PCDHA2: variants seen among roughly 807,000 people sequenced by gnomAD.
PCDHA2 encodes protocadherin alpha 2.
PCDHA2 carries 58 observed loss-of-function variants against 66.0 expected under a neutral mutation model. The ratio of observed to expected loss-of-function variants is 0.88; its 90% CI spans 0.71 to 1.09. The LOEUF (loss-of-function observed/expected upper bound fraction) is 1.09, where lower values mean the gene tolerates loss of function less well. Among genes scored for constraint, PCDHA2 ranks in the 50% least tolerant of loss-of-function variants. PCDHA2 has a pLI of 0.00. For missense variants in PCDHA2, 1,267 were observed against 1,242.3 expected, an observed-to-expected ratio of 1.02 and a Z score of -0.30; for synonymous variants, 634 against 554.0, an observed-to-expected ratio of 1.14 and a Z score of -2.03.
chr5:140,950,826 G>A (rs1554219646), intron 1 of PCDHA2, among the ~76,000 whole-genome samples: 1 of 151,824 alleles, frequency 6.6e-6, no homozygotes, highest in African/African-American at 2.4e-5. Flanking sequence ...TTAAAGTTTG[G>A]TCCTTTAAGA....
intron 1 of PCDHA2, chr5:140,875,686 G>A: frequency 6.2e-7 from 1 of 1,613,582 alleles, no homozygotes; most frequent in Non-Finnish European, 8.5e-7. Flanking sequence ...CAAAAGACAC[G>A]GGGACCTTCT....
chr5:140,795,865 G>A lies in PCDHA2; in HGVS notation c.901G>A (p.Glu301Lys). 6.2e-7 allele frequency: 1 copy of A among 1,613,946 alleles called. No individual in the cohort carries two copies. The highest frequency in any genetic ancestry group is 8.5e-7 in the Non-Finnish European group (1 of 1,179,990). The change falls in exon 1 of 4, where the codon GAA becomes AAA. Residue 301 changes from glutamate (E) to lysine (K), a missense_variant. By Grantham distance (56) the Glu-to-Lys change is moderately conservative. Transcript: ENST00000526136. ...TKFTIDPISG[E>K]IRTKGKLDYE... The stretch of plus-strand genomic sequence containing the variant: ...GTTTACCATAGATCCCATCTCAGGG[G>A]AAATCAGAACTAAGGGAAAATTAGA...
At chr5:140,829,902 A>T (rs2150177390) in intron 1 of PCDHA2, 1 of 1,613,948 alleles carries the variant, frequency 6.2e-7, no homozygotes, top group Non-Finnish European at 8.5e-7. Flanking sequence ...TCAGGCTACA[A>T]CGCGTGGCTT....
At chr5:140,840,041 T>C (rs1220920510) in intron 1 of PCDHA2, among the ~76,000 whole-genome samples, 3 of 152,082 alleles carry the variant, frequency 2.0e-5, no homozygotes, top group East Asian at 3.9e-4. Flanking sequence ...ATCTCCCAGA[T>C]GGAAGTCTAA....
At chr5:140,971,778 G>C (rs1346530602) in intron 1 of PCDHA2, among the ~76,000 whole-genome samples, 2 of 151,860 alleles carry the variant, frequency 1.3e-5, no homozygotes, top group Non-Finnish European at 2.9e-5. Context: ...TATTATTCAA[G>C]ATTATTCAAT....
At position 140,802,860 on chromosome 5, in the gene PCDHA2, G is replaced by C. The variant is rs1241489643; in HGVS notation, c.2388+5508G>C. 3 of 1,613,714 alleles carry C rather than the reference G, an allele frequency of 1.9e-6. No homozygotes were observed. In the African/African-American group the frequency reaches 4.0e-5, roughly 21 times the overall value. On this transcript the variant is annotated intron_variant, in intron 1 of 3. Transcript: ENST00000526136. The stretch of plus-strand genomic sequence containing the variant: ...CAGCAACGTGACGCTGCAGGTGTTC[G>C]TGCTGGACGAGAACGACAACGCGCC...
rs200630375 is a variant in PCDHA2, at chr5:140,857,325, C to A, written c.2388+59973C>A. 1.8e-5 allele frequency: 28 copies of A among 1,598,630 alleles called. 3 individuals are homozygous for A. The highest frequency in any genetic ancestry group is 3.4e-5 in the Admixed American group (2 of 59,352). Reference sequence around the variant, plus strand: ...TCGGCCTATGAGCTGGTGGTGACCGCGCGGGACGGGGGCTCGCCTCCGCTG... The same window carrying A: ...TCGGCCTATGAGCTGGTGGTGACCGAGCGGGACGGGGGCTCGCCTCCGCTG... On this transcript the variant is annotated intron_variant, in intron 1 of 3. Transcript: ENST00000526136.
At position 140,937,762 on chromosome 5, in the gene PCDHA2, A is replaced by T. The variant is rs955142751; in HGVS notation, c.2389-41187A>T. Among the ~76,000 whole-genome samples, 6 of 151,868 alleles carry T rather than the reference A, an allele frequency of 4.0e-5. No individual in the cohort carries two copies. The South Asian group carries it at 6.2e-4, about 16-fold the overall frequency. On this transcript the variant is annotated intron_variant, in intron 1 of 3. Coordinates refer to ENST00000526136, the MANE Select transcript of PCDHA2 (RefSeq NM_018905.3). ...CCCGTCTCTACTAAAAATACAAAAA[A>T]TTAGTCGGGCGTGGTGGCGGGCGTA... is the stretch of plus-strand genomic sequence containing the variant.
At chr5:140,862,290 A>G (rs1423685229) in intron 1 of PCDHA2, 3 of 265,086 alleles carry the variant, frequency 1.1e-5, no homozygotes, top group Admixed American at 4.8e-5. Flanking sequence ...GTACAGGAGG[A>G]CGCTCCACTG....
In PCDHA2 at chr5:140,807,674, G is replaced by T. The variant is rs782061737; in HGVS notation, c.2388+10322G>T. Reference sequence around the variant, plus strand: ...AGAGGGCGCCTCGGATGCAGATATCGGGGAGAACGCCCTGCTCACTTACAG... The same window carrying T: ...AGAGGGCGCCTCGGATGCAGATATCTGGGAGAACGCCCTGCTCACTTACAG... On this transcript the variant is annotated intron_variant, in intron 1 of 3. Coordinates refer to ENST00000526136, the MANE Select transcript of PCDHA2 (RefSeq NM_018905.3). The T allele has an allele frequency of 3.2e-5, 52 of 1,614,088 alleles. No homozygotes were observed. In the South Asian group the frequency reaches 4.9e-4, roughly 15 times the overall value.
At chr5:140,832,603 C>G (rs2150202757) in intron 1 of PCDHA2, among the ~76,000 whole-genome samples, 1 of 152,244 alleles carries the variant, frequency 6.6e-6, no homozygotes, top group South Asian at 2.1e-4. Context: ...TATAGCGTTG[C>G]TAGTGAGTAA....
At chr5:140,874,436 C>T (rs1407636354) in intron 1 of PCDHA2, among the ~76,000 whole-genome samples, 3 of 152,286 alleles carry the variant, frequency 2.0e-5, no homozygotes, top group East Asian at 3.9e-4. Flanking sequence ...GAAGCATGTC[C>T]TAACTACTAA....
intron 1 of PCDHA2, chr5:140,805,004 T>C (rs890483200): frequency 6.5e-7 from 1 of 1,539,454 alleles, no homozygotes; most frequent in Non-Finnish European, 8.7e-7. Context: ...AAAAATTTAG[T>C]TCTGTTATCA....
rs1005130215 is a variant in PCDHA2 at position 140,976,643 on chromosome 5, A to G, written c.2389-2306A>G. On this transcript the variant is annotated intron_variant, in intron 1 of 3. Coordinates refer to ENST00000526136, the MANE Select transcript of PCDHA2 (RefSeq NM_018905.3). ...AGCTGAACTCAGCAATCAGACAAGT[A>G]ATTTAATCTCTCCAAAGTTCAGATG... Among the ~76,000 whole-genome samples the G allele has an allele frequency of 2.0e-5, 3 of 152,236 alleles. No homozygotes were observed. In the South Asian group the frequency reaches 6.2e-4, roughly 31 times the overall value.
chr5:140,802,731 G>C, intron 1 of PCDHA2: 8 of 1,612,540 alleles, frequency 5.0e-6, no homozygotes, highest in Non-Finnish European at 6.8e-6. Flanking sequence ...GTCGGTACAC[G>C]CGGAGAGCGG....
intron 1 of PCDHA2, chr5:140,848,307 CTT>C (rs1781430296): frequency 1.4e-6 from 1 of 711,402 alleles, no homozygotes; most frequent in Non-Finnish European, 2.4e-6. Context: ...TGATGTCACT[CTT>C]TGCCGCGATG....
chr5:140,942,660 A>G (rs145204660), intron 1 of PCDHA2, among the ~76,000 whole-genome samples: 2 of 152,306 alleles, frequency 1.3e-5, no homozygotes, highest in East Asian at 1.9e-4. Context: ...CAGAAAAGCA[A>G]TAAGCACAAA....
intron 1 of PCDHA2, among the ~76,000 whole-genome samples, chr5:140,845,445 T>A (rs1779878937): frequency 6.7e-6 from 1 of 149,700 alleles, no homozygotes; most frequent in Non-Finnish European, 1.5e-5. Context: ...GTTCTGTTTT[T>A]CTTCAACTCT....
intron 1 of PCDHA2, among the ~76,000 whole-genome samples, chr5:140,839,721 T>C (rs2150300331): frequency 6.6e-6 from 1 of 152,184 alleles, no homozygotes; most frequent in East Asian, 1.9e-4. Flanking sequence ...ATTTAAATCA[T>C]TTCACAGAAA....
Sources: allele counts gnomAD v4.1 joint callset (sites outside exome capture counted in the v4.1 genomes callset), GRCh38; gene constraint gnomAD v4.1.1; transcripts MANE v1.5; gene names NCBI Gene and HGNC (gene_info 2026-07-23, HGNC 2026-07-21).